The following CSMD1 variants were observed in gnomAD, a reference collection of about 807,000 sequenced individuals.
CSMD1 encodes the protein CUB and sushi domain-containing protein 1.
CSMD1 carries 213 observed loss-of-function variants against 417.5 expected under a neutral mutation model. That is an observed-to-expected ratio of 0.51 (90% CI 0.46 to 0.57). The LOEUF (loss-of-function observed/expected upper bound fraction) is 0.57. Among genes scored for constraint, CSMD1 ranks in the 20% least tolerant of loss-of-function variants. The pLI is 0.00. For missense variants in CSMD1, 6,923 were observed against 4,529.7 expected, an observed-to-expected ratio of 1.53 and a Z score of -15.17; for synonymous variants, 2,862 against 1,736.8, an observed-to-expected ratio of 1.65 and a Z score of -16.11.
At chr8:4,971,728 TC>T (rs1563904775) in intron 1 of CSMD1, among the ~76,000 whole-genome samples, 1 of 151,642 alleles carries the variant, frequency 6.6e-6, no homozygotes, top group Non-Finnish European at 1.5e-5. Flanking sequence ...ATGATTACAT[TC>T]TTCATATAAA....
chr8:4,450,684 C>G (rs141724465), intron 2 of CSMD1, among the ~76,000 whole-genome samples: 15 of 152,208 alleles, frequency 9.9e-5, no homozygotes, highest in Admixed American at 2.0e-4. Flanking sequence ...TGCACTGTAT[C>G]CAATGTATAA....
At chr8:4,427,581 C>A (rs949737659) in intron 2 of CSMD1, among the ~76,000 whole-genome samples, 1 of 151,988 alleles carries the variant, frequency 6.6e-6, no homozygotes, top group African/African-American at 2.4e-5. Context: ...AAATGTCCGC[C>A]ATCATTTGGA....
At chr8:3,916,331 A>G (rs1375762776) in intron 5 of CSMD1, among the ~76,000 whole-genome samples, 2 of 152,198 alleles carry the variant, frequency 1.3e-5, no homozygotes, top group Non-Finnish European at 2.9e-5. Flanking sequence ...GGATATTTAT[A>G]TAGCATGAAT....
intron 8 of CSMD1, among the ~76,000 whole-genome samples, chr8:3,605,091 T>A (rs936432019): frequency 1.3e-5 from 2 of 152,150 alleles, no homozygotes; most frequent in African/African-American, 4.8e-5. Context: ...GCCTCCCAGG[T>A]TCAAGTGATT....
At chr8:3,376,620 G>C (rs1345810939) in intron 18 of CSMD1, among the ~76,000 whole-genome samples, 1 of 151,516 alleles carries the variant, frequency 6.6e-6, no homozygotes, top group East Asian at 1.9e-4. Flanking sequence ...AAATTTCAAA[G>C]TTTTCTTTGC....
intron 26 of CSMD1, among the ~76,000 whole-genome samples, chr8:3,280,420 G>A (rs1465990321): frequency 6.6e-6 from 1 of 152,112 alleles, no homozygotes; most frequent in South Asian, 2.1e-4. Context: ...CTTTTTAAAT[G>A]TTGTACCACT....
chr8:4,854,247 T>C (rs996062859), intron 1 of CSMD1, among the ~76,000 whole-genome samples: 7 of 152,126 alleles, frequency 4.6e-5, no homozygotes, highest in Non-Finnish European at 1.0e-4. Context: ...TCTCTATAAG[T>C]CTTATGTTGA....
chr8:3,143,370 C>G (rs1054824791), intron 40 of CSMD1, among the ~76,000 whole-genome samples: 1 of 152,198 alleles, frequency 6.6e-6, no homozygotes, highest in Non-Finnish European at 1.5e-5. Flanking sequence ...CACCATAACT[C>G]TCACAATTAA....
At chr8:4,986,063 T>G (rs952847154) in intron 1 of CSMD1, among the ~76,000 whole-genome samples, 3 of 152,210 alleles carry the variant, frequency 2.0e-5, no homozygotes, top group African/African-American at 7.2e-5. Context: ...CAAAGTACAC[T>G]ACTTTCCTAC....
chr8:4,084,795 C>T (rs905318019), intron 3 of CSMD1, among the ~76,000 whole-genome samples: 1 of 150,672 alleles, frequency 6.6e-6, no homozygotes, highest in African/African-American at 2.4e-5. Context: ...CATTCAAGTC[C>T]TGCTGAGCAA....
intron 3 of CSMD1, among the ~76,000 whole-genome samples, chr8:4,196,379 A>C (rs1231209745): frequency 1.3e-5 from 2 of 152,132 alleles, no homozygotes; most frequent in East Asian, 3.9e-4. Flanking sequence ...GTAGGTCTGA[A>C]ATTCAATACA....
At chr8:3,168,687 CAT>C (rs1232811021) in intron 37 of CSMD1, among the ~76,000 whole-genome samples, 1 of 151,728 alleles carries the variant, frequency 6.6e-6, no homozygotes, top group Non-Finnish European at 1.5e-5. Context: ...CCATTAATAA[CAT>C]AGTACCTTAT....
chr8:4,163,197 C>G (rs1369278886), intron 3 of CSMD1, among the ~76,000 whole-genome samples: 1 of 152,170 alleles, frequency 6.6e-6, no homozygotes, highest in African/African-American at 2.4e-5. Flanking sequence ...AAAAACATCC[C>G]TTGGCAGGTT....
chr8:4,694,295 G>A (rs1014264939), intron 1 of CSMD1, among the ~76,000 whole-genome samples: 1 of 152,080 alleles, frequency 6.6e-6, no homozygotes, highest in African/African-American at 2.4e-5. Context: ...CCCCCTCCCT[G>A]CTTGAAGTTG....
chr8:4,639,454 C>G (rs1290933328), intron 1 of CSMD1, among the ~76,000 whole-genome samples: 2 of 152,276 alleles, frequency 1.3e-5, no homozygotes, highest in East Asian at 1.9e-4. Flanking sequence ...ATAACCCACT[C>G]AAACCCTTCC....
chr8:4,356,447 T>A (rs7004905), intron 3 of CSMD1, among the ~76,000 whole-genome samples: 61 of 152,332 alleles, frequency 4.0e-4, no homozygotes, highest in African/African-American at 1.4e-3. Flanking sequence ...TGTACAAGTA[T>A]CCTTTTCGTG....
chr8:3,263,002 C>G (rs1801190162), intron 26 of CSMD1, among the ~76,000 whole-genome samples: 1 of 152,166 alleles, frequency 6.6e-6, no homozygotes, highest in African/African-American at 2.4e-5. Context: ...AGTTATTAAG[C>G]TAGGCAATAA....
intron 3 of CSMD1, among the ~76,000 whole-genome samples, chr8:4,081,781 C>G (rs1336939171): frequency 6.6e-6 from 1 of 151,954 alleles, no homozygotes; most frequent in Non-Finnish European, 1.5e-5. Context: ...GGAAACCAAG[C>G]AAAACACTTG....
chr8:3,524,348 C>A (rs996782090), intron 10 of CSMD1, among the ~76,000 whole-genome samples: 3 of 151,538 alleles, frequency 2.0e-5, no homozygotes, highest in South Asian at 4.2e-4. Flanking sequence ...CATGCACACC[C>A]AGAAAGACAG....
Sources: allele counts gnomAD v4.1 joint callset (sites outside exome capture counted in the v4.1 genomes callset), GRCh38; gene constraint gnomAD v4.1.1; transcripts MANE v1.5; gene names NCBI Gene and HGNC (gene_info 2026-07-23, HGNC 2026-07-21).